The following PCDHAC1 variants were observed in gnomAD, a reference collection of about 807,000 sequenced individuals.
PCDHAC1 encodes the protein protocadherin alpha subfamily C, 1.
In PCDHAC1, 42 loss-of-function variants were observed where a neutral mutation model predicts 60.0. That is an observed-to-expected ratio of 0.70 (90% CI 0.55 to 0.90). The LOEUF is 0.90. Among genes scored for constraint, PCDHAC1 ranks in the 40% least tolerant of loss-of-function variants. The pLI is 0.00. For missense variants in PCDHAC1, 1,160 were observed against 1,222.3 expected (o/e 0.95, Z 0.76); for synonymous variants, 468 against 499.3 (o/e 0.94, Z 0.84).
intron 1 of PCDHAC1, among the ~76,000 whole-genome samples, chr5:140,978,211 A>T (rs185344384): frequency 1.3e-5 from 2 of 152,340 alleles, no homozygotes; most frequent in African/African-American, 4.8e-5. Flanking sequence ...AACTAATGCA[A>T]AATGTATCAG....
chr5:140,938,843 C>T (rs1232774282), intron 1 of PCDHAC1, among the ~76,000 whole-genome samples: 3 of 152,012 alleles, frequency 2.0e-5, no homozygotes, highest in Admixed American at 6.6e-5. Flanking sequence ...AACAAACCTG[C>T]CCATGTACCC....
chr5:140,965,794 C>T (rs1554227851), intron 1 of PCDHAC1, among the ~76,000 whole-genome samples: 1 of 152,170 alleles, frequency 6.6e-6, no homozygotes, highest in Non-Finnish European at 1.5e-5. Flanking sequence ...TTCATGGAGA[C>T]TATTTTTTTA....
chr5:140,926,880 G>A lies in PCDHAC1; in HGVS notation c.-13G>A. 4 of 1,534,946 alleles carry A rather than the reference G, an allele frequency of 2.6e-6. No homozygotes were observed. The South Asian group carries it at 3.8e-5, about 15-fold the overall frequency. On this transcript the variant is annotated 5_prime_UTR_variant, in exon 1 of 4. Transcript: ENST00000253807. ...TGTAGCGTGTTGGTGGAACGTGGAC[G>A]CCTAGAGGGAGGATGGTGGGCTGTG...
intron 3 of PCDHAC1, among the ~76,000 whole-genome samples, chr5:141,002,367 A>T (rs2098076282): frequency 6.6e-6 from 1 of 152,248 alleles, no homozygotes; most frequent in African/African-American, 2.4e-5. Context: ...CTTTCAACTC[A>T]TTCTGGCTTA....
Position 141,009,658 on chromosome 5 carries a change from C to T in PCDHAC1, c.2613C>T (p.Val871=), listed in dbSNP as rs571898721. The T allele has an allele frequency of 6.2e-6, 10 of 1,613,948 alleles. No individual in the cohort carries two copies. Among genetic ancestry groups the T allele is most frequent in the South Asian group, 4.4e-5 (4 of 91,030 alleles). The change falls in exon 4 of 4, where the codon GTC becomes GTT. Residue 871 remains valine, a synonymous_variant. Transcript: ENST00000253807. ...EPEAGEVSPP[V]GAGVNSNSWT... ...AGGCAGGAGAAGTGTCCCCTCCAGT[C>T]GGTGCGGGTGTCAACAGCAACAGCT...
chr5:140,979,604 A>T (rs1326370777), intron 2 of PCDHAC1, among the ~76,000 whole-genome samples: 1 of 152,204 alleles, frequency 6.6e-6, no homozygotes, highest in African/African-American at 2.4e-5. Context: ...AAATTAACCT[A>T]GAGTAACGGT....
intron 1 of PCDHAC1, among the ~76,000 whole-genome samples, chr5:140,947,921 C>A (rs1327858146): frequency 6.6e-6 from 1 of 151,536 alleles, no homozygotes; most frequent in African/African-American, 2.4e-5. Context: ...CTTGCCTTAA[C>A]CCTGATCTTA....
chr5:140,955,156 G>A (rs556311036), intron 1 of PCDHAC1, among the ~76,000 whole-genome samples: 25 of 152,262 alleles, frequency 1.6e-4, no homozygotes, highest in East Asian at 3.9e-4. Context: ...TACCAGTACC[G>A]TGCTGTTTTG....
intron 2 of PCDHAC1, among the ~76,000 whole-genome samples, chr5:140,981,701 C>A (rs546149642): frequency 5.3e-5 from 8 of 152,268 alleles, no homozygotes; most frequent in African/African-American, 1.9e-4. Context: ...TTCATTCATT[C>A]ATTCATTCAT....
At chr5:141,001,452 A>G (rs2098018922) in intron 3 of PCDHAC1, among the ~76,000 whole-genome samples, 1 of 152,196 alleles carries the variant, frequency 6.6e-6, no homozygotes, top group Admixed American at 6.5e-5. Context: ...TCCACTGTCA[A>G]TTGAAGGACT....
chr5:140,987,363 T>C (rs1269772618), intron 3 of PCDHAC1, among the ~76,000 whole-genome samples: 1 of 152,218 alleles, frequency 6.6e-6, no homozygotes, highest in Non-Finnish European at 1.5e-5. Flanking sequence ...GGTTGTCTTA[T>C]ATCATTACAG....
intron 1 of PCDHAC1, among the ~76,000 whole-genome samples, chr5:140,972,097 T>C (rs1554233843): frequency 1.3e-5 from 2 of 152,196 alleles, no homozygotes; most frequent in South Asian, 2.1e-4. Context: ...ATTTCTGGCA[T>C]AGAAGCAGGT....
At chr5:140,941,634 T>G (rs2093133728) in intron 1 of PCDHAC1, among the ~76,000 whole-genome samples, 1 of 152,074 alleles carries the variant, frequency 6.6e-6, no homozygotes, top group South Asian at 2.1e-4. Context: ...TCTTAATTTC[T>G]GTCTTCCTAC....
chr5:140,985,401 C>T (rs2097150530), intron 3 of PCDHAC1, among the ~76,000 whole-genome samples: 1 of 152,108 alleles, frequency 6.6e-6, no homozygotes, highest in Non-Finnish European at 1.5e-5. Flanking sequence ...CCAACTGTTC[C>T]CCTGGAAATG....
chr5:140,967,401 G>A lies in PCDHAC1; in HGVS notation c.2434-11548G>A. On this transcript the variant is annotated intron_variant, in intron 1 of 3. Transcript: ENST00000253807. ...AGTAAAGTGCTTGAGCTGGTGCTGC[G>A]TAAGGGCCTAGACCGGGAGCAGGCA... 3.1e-6 allele frequency: 5 copies of A among 1,611,944 alleles called. No individual in the cohort carries two copies. Among genetic ancestry groups the A allele is most frequent in the East Asian group, 2.2e-5 (1 of 44,806 alleles).
At chr5:140,985,075 C>G (rs1477852280) in intron 3 of PCDHAC1, among the ~76,000 whole-genome samples, 2 of 151,968 alleles carry the variant, frequency 1.3e-5, no homozygotes, top group Non-Finnish European at 2.9e-5. Context: ...GTAGCTGAGA[C>G]TACAGGCGTG....
chr5:141,003,654 A>G (rs1451170896), intron 3 of PCDHAC1, among the ~76,000 whole-genome samples: 1 of 152,212 alleles, frequency 6.6e-6, no homozygotes, highest in Non-Finnish European at 1.5e-5. Flanking sequence ...ATCTGTATGC[A>G]TTTATTAAAA....
chr5:140,996,944 ATATT>A (rs2097754010), intron 3 of PCDHAC1, among the ~76,000 whole-genome samples: 1 of 152,144 alleles, frequency 6.6e-6, no homozygotes, highest in Non-Finnish European at 1.5e-5. Flanking sequence ...TTGCATAGAA[ATATT>A]TATTTCCCTC....
intron 3 of PCDHAC1, among the ~76,000 whole-genome samples, chr5:140,984,683 T>A (rs1481664684): frequency 6.6e-6 from 1 of 152,200 alleles, no homozygotes; most frequent in East Asian, 1.9e-4. Flanking sequence ...GGACTCAATA[T>A]ATGTTCTGCA....
Sources: gnomAD v4.1 joint callset for allele counts (sites outside exome capture counted in the v4.1 genomes callset) on GRCh38, gnomAD v4.1.1 for gene constraint, MANE v1.5 for transcripts, NCBI Gene and HGNC (gene_info 2026-07-23, HGNC 2026-07-21) for gene names.